LTN1: variants seen among roughly 807,000 people sequenced by gnomAD.
The protein encoded by LTN1 is E3 ubiquitin-protein ligase listerin.
Under a neutral mutation model 201.2 loss-of-function variants are expected in LTN1, and 88 were observed. That is an observed-to-expected ratio of 0.44 (90% CI 0.37 to 0.52). LTN1 has a LOEUF of 0.52. Among genes scored for constraint, LTN1 ranks in the 20% least tolerant of loss-of-function variants. LTN1 has a pLI of 0.00. For missense variants in LTN1, 1,752 were observed against 2,038.7 expected (o/e 0.86, Z 2.71); for synonymous variants, 645 against 713.5 (o/e 0.90, Z 1.53).
intron 25 of LTN1, 139 bp downstream of exon 25, chr21:28,941,081 A>C (rs535034538): frequency 4.6e-6 from 3 of 649,352 alleles, no homozygotes; most frequent in Admixed American, 3.4e-5. Flanking sequence ...TGTCTCAAAT[A>C]AACAAAATAA....
intron 25 of LTN1, among the ~76,000 whole-genome samples, chr21:28,940,362 A>C (rs1015510815): frequency 3.9e-5 from 6 of 152,214 alleles, no homozygotes; most frequent in Non-Finnish European, 5.9e-5. Flanking sequence ...CTTACTTCCT[A>C]AACATGAGAC....
In LTN1 at chr21:28,982,335, C is replaced by T. The variant is rs1199427121; in HGVS notation, c.610G>A (p.Asp204Asn). ...LQDHLIKETP[D>N]TLSDPQTVPE... ...ACTTACTGCGGGTCACTGAGTGTAT[C>T]AGGTGTTTCTTTTATAAGATGATCC... is the stretch of plus-strand genomic sequence containing the variant. Residue 204 changes from aspartate to asparagine, a missense_variant, in exon 5 of 30, where the codon GAT becomes AAT. Transcript: ENST00000361371. 1 of 1,613,756 alleles carries T rather than the reference C, an allele frequency of 6.2e-7. No homozygotes were observed. Among genetic ancestry groups the T allele is most frequent in the Admixed American group, 1.7e-5 (1 of 60,006 alleles).
At chr21:28,978,142 C>A (rs1394506498) in intron 6 of LTN1, among the ~76,000 whole-genome samples, 5 of 152,074 alleles carry the variant, frequency 3.3e-5, no homozygotes, top group African/African-American at 1.2e-4. Context: ...GATCCTCCTG[C>A]CTCAGTCTCC....
chr21:28,984,225 A>G (rs2084679756), intron 4 of LTN1, among the ~76,000 whole-genome samples: 1 of 152,186 alleles, frequency 6.6e-6, no homozygotes, highest in South Asian at 2.1e-4. Flanking sequence ...TTATGATAAA[A>G]ATTGGAAAAA....
chr21:28,945,970 C>T lies in LTN1; in HGVS notation c.3624-19G>A. The T allele has an allele frequency of 6.3e-7, 1 of 1,588,524 alleles. No homozygotes were observed. The highest frequency in any genetic ancestry group is 8.6e-7 in the Non-Finnish European group (1 of 1,166,876). On this transcript the variant is annotated intron_variant, in intron 20 of 29. Transcript: ENST00000361371. ...TAGATTACTGTGATAAAGATAAAAA[C>T]AAAAGACAATAAAAGATTATATTGA...
Position 28,986,802 on chromosome 21 carries a change from T to A in LTN1, c.175A>T (p.Ser59Cys), listed in dbSNP as rs2084701866. Residue 59 changes from serine (S) to cysteine (C), a missense_variant, in exon 2 of 30, where the codon AGT becomes TGT. Transcript: ENST00000361371. The surrounding 1 kb of genome is among the most constrained non-coding windows in gnomAD (Gnocchi z 4.1). ...ATTCGGAAATCAGAATCTACAAGAC[T>A]GTCAATTTCTTCAGCTCCTTGAATA... is the stretch of plus-strand genomic sequence containing the variant. ...PAIQGAEEID[S>C]LVDSDFRMVL... is the part of the protein sequence containing the mutation. 3.7e-6 allele frequency: 6 copies of A among 1,613,910 alleles called. No individual in the cohort carries two copies. Among genetic ancestry groups the A allele is most frequent in the Non-Finnish European group, 5.1e-6 (6 of 1,179,878 alleles).
intron 27 of LTN1, 86 bp downstream of exon 27, chr21:28,935,023 G>A (rs2084242870): frequency 1.1e-6 from 1 of 881,754 alleles, no homozygotes; most frequent in South Asian, 1.5e-5. Context: ...TCTGAGTTAA[G>A]AGCTACAGTC....
chr21:28,952,333 C>T (rs2084389723), intron 17 of LTN1, 69 bp from the exon 18 acceptor site: 3 of 881,730 alleles, frequency 3.4e-6, no homozygotes, highest in Non-Finnish European at 5.4e-6. Flanking sequence ...TAAACACTGG[C>T]TAGCTGGATT....
chr21:28,949,175 C>T (rs925070040), intron 18 of LTN1, among the ~76,000 whole-genome samples: 3 of 152,048 alleles, frequency 2.0e-5, no homozygotes, highest in African/African-American at 7.2e-5. Flanking sequence ...CTATGAATTG[C>T]CTCTTTAAGT....
At chr21:28,989,018 T>C (rs1217661751) in intron 1 of LTN1, among the ~76,000 whole-genome samples, 1 of 151,806 alleles carries the variant, frequency 6.6e-6, no homozygotes, top group East Asian at 1.9e-4. Context: ...GCAAAGCAGC[T>C]GTTCTCTATT....
intron 9 of LTN1, 70 bp downstream of exon 9, chr21:28,969,396 C>G (rs1355359669): frequency 3.8e-6 from 5 of 1,327,162 alleles, no homozygotes; most frequent in Non-Finnish European, 5.1e-6. Flanking sequence ...TAAATGGCAA[C>G]AAGACACAAT....
rs941955981 is a variant in LTN1, at chr21:28,957,017, G to A, written c.2893-69C>T. 7.1e-6 allele frequency: 7 copies of A among 988,412 alleles called. No individual in the cohort carries two copies. The African/African-American group carries it at 1.1e-4, about 16-fold the overall frequency. The allele number at this position is 988,412 out of a possible 1,614,324, so 61.2% of individuals were successfully genotyped here. On this transcript the variant is annotated intron_variant, in intron 15 of 29. Transcript: ENST00000361371. The stretch of plus-strand genomic sequence containing the variant: ...GCAATTGAGACTGAACAAAAATGAA[G>A]TTGTGAGAATATTTATTACCAAAAC...
At chr21:28,979,733 G>A (rs1327817140) in intron 6 of LTN1, among the ~76,000 whole-genome samples, 3 of 152,160 alleles carry the variant, frequency 2.0e-5, no homozygotes, top group Non-Finnish European at 4.4e-5. Context: ...ACTTTGGGAG[G>A]CCGAGGTGGG....
At position 28,930,507 on chromosome 21, in the gene LTN1, T is replaced by G; in HGVS notation, c.5242A>C (p.Lys1748Gln). Residue 1748 changes from lysine (K) to glutamine (Q), a missense_variant, in exon 30 of 30, where the codon AAA (lysine) becomes CAA (glutamine). Transcript: ENST00000361371. ...KKKFHSACLY[K>Q]WFTSSNKSTC... ...GATTTGTTGCTAGATGTAAACCATT[T>G]GTACTGAAAAAGAAAAGGTTTTAAA... 1.9e-6 allele frequency: 3 copies of G among 1,609,942 alleles called. No homozygotes were observed. The highest frequency in any genetic ancestry group is 2.5e-6 in the Non-Finnish European group (3 of 1,177,370).
chr21:28,985,560 T>G (rs1041378291), intron 3 of LTN1, among the ~76,000 whole-genome samples: 24 of 152,024 alleles, frequency 1.6e-4, no homozygotes, highest in African/African-American at 5.8e-4. Context: ...CTATCAAAAT[T>G]TATTAAAACT....
Position 28,929,105 on chromosome 21 carries a change from T to C in LTN1, c.*1343A>G, listed in dbSNP as rs1168239822. ...GCATCTATAAATATAATTCGAGAGATCTATAACTCACACATAGTACTTCAC... is the reference window on the plus strand; with the variant it reads ...GCATCTATAAATATAATTCGAGAGACCTATAACTCACACATAGTACTTCAC... On this transcript the variant is annotated 3_prime_UTR_variant, in exon 30 of 30. Coordinates refer to ENST00000361371, the MANE Select transcript of LTN1 (RefSeq NM_015565.3). 6.6e-6 allele frequency: 1 copy of C among 152,478 alleles called. No individual in the cohort carries two copies. The highest frequency in any genetic ancestry group is 1.5e-5 in the Non-Finnish European group (1 of 67,976). 9.4% of individuals were successfully genotyped at this position (152,478 alleles called of 1,614,324 possible).
chr21:28,960,534 G>A lies in LTN1; in HGVS notation c.2336C>T (p.Ser779Phe). ...TGTCCTACCATTTTTAACATGTTGG[G>A]ATAATACCAAGCTTAGAAGAGTCCA... ...ERWTLLSLVL[S>F]QHVKNDYLIG... is the part of the protein sequence containing the mutation. Residue 779 changes from serine to phenylalanine, a missense_variant, in exon 12 of 30, where the codon TCC (serine) becomes TTC (phenylalanine). Ser to Phe is a radical substitution (Grantham distance 155). Transcript: ENST00000361371. 1 of 1,612,782 alleles carries A rather than the reference G, an allele frequency of 6.2e-7. No individual in the cohort carries two copies. Among genetic ancestry groups the A allele is most frequent in the Non-Finnish European group, 8.5e-7 (1 of 1,179,378 alleles).
At position 28,947,530 on chromosome 21, in the gene LTN1, C is replaced by A; in HGVS notation, c.3421G>T (p.Glu1141Ter). ...GCAGGTATACATTGAGCACTAAATT[C>A]TTTCTTTTCTTCTTTTGACAAAAAT... ...CPFLSKEEKK[E>*]FSAQCIPALL... is the part of the protein sequence containing the mutation. The change falls in exon 19 of 30, where the codon GAA (glutamate) becomes TAA (stop). Residue 1141 changes from glutamate (E) to a stop codon, truncating the protein, a stop_gained. Coordinates refer to ENST00000361371, the MANE Select transcript of LTN1 (RefSeq NM_015565.3). LOFTEE classifies it high-confidence loss of function. 1 of 1,592,764 alleles carries A rather than the reference C, an allele frequency of 6.3e-7. No individual in the cohort carries two copies. The highest frequency in any genetic ancestry group is 1.2e-5 in the South Asian group (1 of 86,630).
At chr21:28,932,435 A>T in intron 28 of LTN1, 35 bp downstream of exon 28, 1 of 1,549,596 alleles carries the variant, frequency 6.5e-7, no homozygotes, top group Non-Finnish European at 8.8e-7. Context: ...ATCTTTTCCA[A>T]GTTTGTAAAG....
Sources: allele counts gnomAD v4.1 joint callset (sites outside exome capture counted in the v4.1 genomes callset), GRCh38; gene constraint gnomAD v4.1.1; non-coding constraint Gnocchi (gnomAD v3.1); transcripts MANE v1.5; gene names NCBI Gene and HGNC (gene_info 2026-07-23, HGNC 2026-07-21).